The following VILL variants were observed in gnomAD, a reference collection of about 807,000 sequenced individuals.
VILL encodes the protein villin like.
VILL carries 102 observed loss-of-function variants against 106.3 expected under a neutral mutation model. The ratio of observed to expected loss-of-function variants is 0.96; its 90% confidence interval spans 0.82 to 1.13. VILL has a LOEUF of 1.13. Ranked by LOEUF, VILL falls within the 50% of genes most tolerant of loss-of-function variation. VILL has a pLI of 0.00. For missense variants in VILL, 1,076 were observed against 1,116.6 expected (o/e 0.96, Z 0.52); for synonymous variants, 431 against 440.3 (o/e 0.98, Z 0.27).
chr3:37,993,940 T>A lies in VILL; in HGVS notation c.103T>A (p.Phe35Ile). ...GGTACCCGAGGGGGCTTACGGGAAC[T>A]TTTTTGAGGAACACTGCTATGTCAT... The part of the protein sequence containing the change: ...VPVPEGAYGN[F>I]FEEHCYVILH... The change falls in exon 3 of 20, where the codon TTT becomes ATT. Residue 35 changes from phenylalanine (F) to isoleucine (I), a missense_variant. Transcript: ENST00000383759. 6.2e-7 allele frequency: 1 copy of A among 1,614,188 alleles called. No individual in the cohort carries two copies. The highest frequency in any genetic ancestry group is 8.5e-7 in the Non-Finnish European group (1 of 1,180,036).
At chr3:38,001,134 G>A (rs1313946673) in intron 11 of VILL, 8 of 527,296 alleles carry the variant, frequency 1.5e-5, no homozygotes, top group South Asian at 9.0e-5. Flanking sequence ...CCTGAGCAGC[G>A]AGCAGCTGGG....
intron 4 of VILL, among the ~76,000 whole-genome samples, chr3:37,995,020 C>CT (rs1699675544): frequency 6.6e-6 from 1 of 152,226 alleles, no homozygotes; most frequent in South Asian, 2.1e-4. Context: ...GTTGTTTCCA[C>CT]TTTTTGGCTG....
At chr3:37,994,090 T>TC in intron 3 of VILL, 118 bp downstream of exon 3, 1 of 1,458,078 alleles carries the variant, frequency 6.9e-7, no homozygotes, top group South Asian at 1.1e-5. Flanking sequence ...GAGAATCACA[T>TC]CCCACAAGGG....
rs1303061323 is a variant in VILL, at chr3:38,001,412, C to T, written c.1183-44C>T. The T allele has an allele frequency of 3.7e-6, 6 of 1,605,270 alleles. No homozygotes were observed. The East Asian group carries it at 1.3e-4, about 36-fold the overall frequency. On this transcript the variant is annotated intron_variant, in intron 11 of 19. Transcript: ENST00000383759. ...TGGGTACAGGATGGGTGGGCTGGTTCAGGAAGAGCAGCCACCTGTGCCCAT... is the reference window on the plus strand; with the variant it reads ...TGGGTACAGGATGGGTGGGCTGGTTTAGGAAGAGCAGCCACCTGTGCCCAT...
At position 38,006,941 on chromosome 3, in the gene VILL, G is replaced by A. The variant is rs1161457196; in HGVS notation, c.2458-1G>A. ...TACCTCCCCCTCTCTCCCCTGCCCA[G>A]TTCTATCTCTCAGACTCTGACTTCC... On this transcript the variant is annotated splice_acceptor_variant, in intron 19 of 19. Transcript: ENST00000383759. LOFTEE classifies it high-confidence loss of function. 1.2e-6 allele frequency: 2 copies of A among 1,613,312 alleles called. No individual in the cohort carries two copies. The highest frequency in any genetic ancestry group is 1.7e-6 in the Non-Finnish European group (2 of 1,179,310).
In VILL at chr3:38,006,615, C is replaced by G. The variant is rs747938968; in HGVS notation, c.2372C>G (p.Thr791Arg). 1 of 1,613,942 alleles carries G rather than the reference C, an allele frequency of 6.2e-7. No individual in the cohort carries two copies. The highest frequency in any genetic ancestry group is 1.1e-5 in the South Asian group (1 of 91,088). Residue 791 changes from threonine (T) to arginine (R), a missense_variant, in exon 19 of 20, where the codon ACG (threonine) becomes AGG (arginine). Physicochemically the swap from Thr to Arg is moderately conservative, Grantham distance 71. Coordinates refer to ENST00000383759, the MANE Select transcript of VILL (RefSeq NM_015873.4). ...AGCTCCGTCAGCAGCACCAGCGCCACGATCAACGGGGGCCTGCGCCGGGAA... is the reference window on the plus strand; with the variant it reads ...AGCTCCGTCAGCAGCACCAGCGCCAGGATCAACGGGGGCCTGCGCCGGGAA... The part of the protein sequence containing the change: ...TSSSVSSTSA[T>R]INGGLRREQL...
At chr3:37,991,902 T>C (rs758236362) in intron 1 of VILL, among the ~76,000 whole-genome samples, 3 of 152,056 alleles carry the variant, frequency 2.0e-5, no homozygotes, top group African/African-American at 4.8e-5. Flanking sequence ...CATTCCTCCC[T>C]GGAGTCCAGG....
Position 38,001,668 on chromosome 3 carries a change from G to A in VILL, c.1321-34G>A, listed in dbSNP as rs1238361147. 3.1e-6 allele frequency: 5 copies of A among 1,613,542 alleles called. No homozygotes were observed. The African/African-American group carries it at 5.3e-5, about 17-fold the overall frequency. ...GCTCTGGGAGTGAAATGTGAGAGCT[G>A]GGCCAGGCCCTCACTCACTGCCCCC... On this transcript the variant is annotated intron_variant, in intron 12 of 19. Transcript: ENST00000383759.
In VILL at chr3:38,004,256, C is replaced by T. The variant is rs1276230843; in HGVS notation, c.1807C>T (p.Leu603Phe). The T allele has an allele frequency of 1.2e-6, 2 of 1,609,110 alleles. No individual in the cohort carries two copies. The highest frequency in any genetic ancestry group is 1.7e-5 in the Admixed American group (1 of 59,922). ...GRAPYPSNKR[L>F]PEEVPSFQPR... ...AGCCTTGCTGTCCGTGCTGGCCAGG[C>T]TCCCTGAGGAGGTCCCCAGCTTCCA... Residue 603 changes from leucine to phenylalanine, a missense_variant and splice_region_variant, in exon 16 of 20, where the codon CTC becomes TTC. Physicochemically the swap from Leu to Phe is conservative, Grantham distance 22. Coordinates refer to ENST00000383759, the MANE Select transcript of VILL (RefSeq NM_015873.4).
intron 15 of VILL, 156 bp from the exon 16 acceptor site, chr3:38,004,099 G>A: frequency 2.1e-6 from 2 of 941,382 alleles, no homozygotes; most frequent in South Asian, 1.7e-5. Flanking sequence ...ACCCAGAGCA[G>A]AGCGGAGTGC....
chr3:37,997,320 G>T lies in VILL; in HGVS notation c.561+133G>T. 1 of 1,169,694 alleles carries T rather than the reference G, an allele frequency of 8.5e-7. No homozygotes were observed. Among genetic ancestry groups the T allele is most frequent in the Admixed American group, 2.1e-5 (1 of 48,104 alleles). The allele number at this position is 1,169,694 out of a possible 1,614,324, so 72.5% of individuals were successfully genotyped here. On this transcript the variant is annotated intron_variant, in intron 6 of 19. Coordinates refer to ENST00000383759, the MANE Select transcript of VILL (RefSeq NM_015873.4). The surrounding 1 kb of genome is among the most constrained non-coding windows in gnomAD (Gnocchi z 4.7). ...CCCAAGAAACGCCTATGAGTTACAAGCTGAGTTCAGACCCTGCATTGTTGG... is the reference window on the plus strand; with the variant it reads ...CCCAAGAAACGCCTATGAGTTACAATCTGAGTTCAGACCCTGCATTGTTGG...
Position 38,000,649 on chromosome 3 carries a change from G to A in VILL, c.1183-807G>A, listed in dbSNP as rs572382452. Among the ~76,000 whole-genome samples the A allele has an allele frequency of 2.6e-4, 40 of 152,322 alleles. No homozygotes were observed. In the South Asian group the frequency reaches 3.9e-3, roughly 15 times the overall value. ...CTCCTGGTAGGCAGTGGACAGGCAG[G>A]CAGAGACAGGGCCTGAGCCAGGGGT... On this transcript the variant is annotated intron_variant, in intron 11 of 19. Transcript: ENST00000383759.
intron 15 of VILL, 188 bp downstream of exon 15, chr3:38,003,501 G>A (rs919278074): frequency 3.3e-5 from 24 of 723,892 alleles, no homozygotes; most frequent in Non-Finnish European, 4.3e-5. Context: ...GGTAACTTGC[G>A]TCTCTCAGAT....
chr3:37,993,354 A>ATCTCGGT, intron 1 of VILL: 1 of 337,650 alleles, frequency 3.0e-6, no homozygotes. Flanking sequence ...CAGAAGGTGG[A>ATCTCGGT]GGTTGCAGTG....
intron 5 of VILL, 95 bp downstream of exon 5, chr3:37,995,942 G>A: frequency 1.0e-6 from 1 of 969,504 alleles, no homozygotes; most frequent in South Asian, 1.3e-5. Flanking sequence ...GGGTTGTGGG[G>A]AACAAGGAGC....
chr3:38,007,031 G>A lies in VILL; in HGVS notation c.2547G>A (p.Glu849=). 1 of 1,614,100 alleles carries A rather than the reference G, an allele frequency of 6.2e-7. No individual in the cohort carries two copies. The highest frequency in any genetic ancestry group is 8.5e-7 in the Non-Finnish European group (1 of 1,180,006). ...YSMATWRQRQ[E]KKQLGFF is the part of the protein sequence containing the mutation. ...TGGCCACGTGGAGGCAGCGGCAGGA[G>A]AAAAAGCAGCTGGGCTTCTTCTGAA... The change falls in exon 20 of 20, where the codon GAG becomes GAA. Residue 849 remains glutamate, a synonymous_variant. Coordinates refer to ENST00000383759, the MANE Select transcript of VILL (RefSeq NM_015873.4).
upstream of VILL, among the ~76,000 whole-genome samples, chr3:37,989,767 T>A (rs574054809): frequency 1.4e-4 from 21 of 152,134 alleles, no homozygotes; most frequent in African/African-American, 4.8e-4. Context: ...CATGCCAGGA[T>A]ACAGGCACAC....
At position 38,006,638 on chromosome 3, in the gene VILL, GAAC is replaced by G. The variant is rs750320872; in HGVS notation, c.2399_2401del (p.Gln800del). 5.2e-5 allele frequency: 84 copies of G among 1,613,700 alleles called. No individual in the cohort carries two copies. The highest frequency in any genetic ancestry group is 6.8e-5 in the Non-Finnish European group (80 of 1,180,016). On this transcript the variant is annotated inframe_deletion, in exon 19 of 20. Coordinates refer to ENST00000383759, the MANE Select transcript of VILL (RefSeq NM_015873.4). Reference sequence around the variant, plus strand: ...CACGATCAACGGGGGCCTGCGCCGGGAACAACTGATGCACCAGGCTGTTGAGGA... The same window carrying G: ...CACGATCAACGGGGGCCTGCGCCGGGAACTGATGCACCAGGCTGTTGAGGA...
At chr3:38,006,823 G>A (rs908558473) in intron 19 of VILL, 119 bp from the exon 20 acceptor site, 1 of 1,524,876 alleles carries the variant, frequency 6.6e-7, no homozygotes, top group Non-Finnish European at 8.9e-7. Context: ...TCTAGCTGGG[G>A]TGGTGGGCAA....
Sources: gnomAD v4.1 joint callset for allele counts (sites outside exome capture counted in the v4.1 genomes callset) on GRCh38, gnomAD v4.1.1 for gene constraint, Gnocchi (gnomAD v3.1) non-coding constraint, MANE v1.5 for transcripts, NCBI Gene and HGNC (gene_info 2026-07-23, HGNC 2026-07-21) for gene names.